Variants in PMFBP1 observed in about 807,000 individuals in gnomAD.
The protein encoded by PMFBP1 is polyamine-modulated factor 1-binding protein 1.
In PMFBP1, 131 loss-of-function variants were observed where a neutral mutation model predicts 137.8. The observed-to-expected ratio is 0.95, with a 90% CI of 0.82 to 1.10. The LOEUF (loss-of-function observed/expected upper bound fraction) is 1.10. Ranked by LOEUF, PMFBP1 falls within the 50% of genes least tolerant of loss-of-function variation. The pLI, the probability that PMFBP1 is intolerant of heterozygous loss-of-function variation, is 0.00. For missense variants in PMFBP1, 1,199 were observed against 1,175.4 expected (o/e 1.02, Z -0.29); for synonymous variants, 490 against 450.4 (o/e 1.09, Z -1.11).
the PMFBP1 span, among the ~76,000 whole-genome samples, chr16:72,213,842 G>T: frequency 6.6e-6 from 1 of 152,112 alleles, no homozygotes; most frequent in Non-Finnish European, 1.5e-5. Context: ...AACAGCAAAT[G>T]GAAACTTACA....
the PMFBP1 span, among the ~76,000 whole-genome samples, chr16:72,231,269 C>T: frequency 6.6e-6 from 1 of 152,104 alleles, no homozygotes; most frequent in Non-Finnish European, 1.5e-5. Context: ...AAAGTCACAA[C>T]CAACAGTAAC....
the PMFBP1 span, among the ~76,000 whole-genome samples, chr16:72,218,828 G>C: frequency 1.3e-5 from 2 of 152,100 alleles, no homozygotes; most frequent in African/African-American, 4.8e-5. Context: ...AAACCTTCAG[G>C]GAAAAGGTTG....
At chr16:72,205,250 C>A in the PMFBP1 span, among the ~76,000 whole-genome samples, 2 of 152,262 alleles carry the variant, frequency 1.3e-5, no homozygotes, top group African/African-American at 4.8e-5. Flanking sequence ...CTGCTTCTTG[C>A]ACTCCAAAGC....
intron 9 of PMFBP1, among the ~76,000 whole-genome samples, chr16:72,133,473 C>T (rs774641457): frequency 1.3e-4 from 20 of 152,060 alleles, no homozygotes; most frequent in Non-Finnish European, 1.9e-4. Context: ...GCCACCGTAC[C>T]CAGCCGTTTA....
chr16:72,187,497 A>G, the PMFBP1 span, among the ~76,000 whole-genome samples: 7 of 152,182 alleles, frequency 4.6e-5, no homozygotes, highest in Admixed American at 6.5e-5. Context: ...TAAAGAGCAA[A>G]GGTGAGATGA....
Position 72,124,870 on chromosome 16 carries a change from T to C in PMFBP1, c.2486A>G (p.His829Arg). Residue 829 changes from histidine to arginine, a missense_variant, in exon 17 of 21, where the codon CAC becomes CGC. Coordinates refer to ENST00000237353, the MANE Select transcript of PMFBP1 (RefSeq NM_031293.3). ...SCQVLQWQKQ[H>R]QNDLKMLAAK... The stretch of plus-strand genomic sequence containing the variant: ...TGCCAGCATCTTGAGGTCATTCTGG[T>C]GTTGCTTCTGCCACTGCAGCACCTG... 6.2e-7 allele frequency: 1 copy of C among 1,614,192 alleles called. No homozygotes were observed. Among genetic ancestry groups the C allele is most frequent in the East Asian group, 2.2e-5 (1 of 44,878 alleles).
At chr16:72,233,176 T>C in the PMFBP1 span, among the ~76,000 whole-genome samples, 1 of 152,092 alleles carries the variant, frequency 6.6e-6, no homozygotes, top group South Asian at 2.1e-4. Flanking sequence ...TTAAAAACTC[T>C]TCATTAGGAC....
At chr16:72,179,140 T>C (rs2043268178), upstream of PMFBP1, among the ~76,000 whole-genome samples, 1 of 152,174 alleles carries the variant, frequency 6.6e-6, no homozygotes, top group South Asian at 2.1e-4. Flanking sequence ...CAAGGACTTT[T>C]GAGGGCGATA....
At chr16:72,167,456 A>G (rs2043161831) in intron 2 of PMFBP1, among the ~76,000 whole-genome samples, 1 of 152,204 alleles carries the variant, frequency 6.6e-6, no homozygotes, top group Admixed American at 6.5e-5. Context: ...CAAGCATGTA[A>G]TTACCATTAA....
At chr16:72,244,249 A>G in the PMFBP1 span, among the ~76,000 whole-genome samples, 1 of 152,206 alleles carries the variant, frequency 6.6e-6, no homozygotes, top group African/African-American at 2.4e-5. Context: ...TATTTTAGCT[A>G]TTGAGGGTAA....
chr16:72,192,826 C>A, the PMFBP1 span, among the ~76,000 whole-genome samples: 1 of 149,918 alleles, frequency 6.7e-6, no homozygotes, highest in Non-Finnish European at 1.5e-5. Flanking sequence ...CGCTTGAACT[C>A]GGGAGGCGAA....
At chr16:72,243,844 C>T in the PMFBP1 span, among the ~76,000 whole-genome samples, 15 of 152,280 alleles carry the variant, frequency 9.9e-5, no homozygotes, top group East Asian at 1.9e-3. Context: ...GACTGATTTC[C>T]GCACACCAGC....
the PMFBP1 span, among the ~76,000 whole-genome samples, chr16:72,232,695 C>T: frequency 6.6e-6 from 1 of 152,004 alleles, no homozygotes; most frequent in South Asian, 2.1e-4. Context: ...TAAGTATTAA[C>T]TTATAGATCA....
chr16:72,204,902 A>G, the PMFBP1 span, among the ~76,000 whole-genome samples: 7 of 152,214 alleles, frequency 4.6e-5, no homozygotes, highest in Admixed American at 4.6e-4. Flanking sequence ...GAGGAATGGA[A>G]TTTTAAATTT....
chr16:72,125,077 C>A, intron 16 of PMFBP1, 143 bp from the exon 17 acceptor site: 1 of 1,372,138 alleles, frequency 7.3e-7, no homozygotes, highest in South Asian at 1.4e-5. Context: ...GGCACCCATG[C>A]TCCGATCTTT....
At chr16:72,232,907 T>C in the PMFBP1 span, among the ~76,000 whole-genome samples, 2 of 152,226 alleles carry the variant, frequency 1.3e-5, no homozygotes, top group South Asian at 2.1e-4. Flanking sequence ...GAGGCAGACA[T>C]GTATACAAAT....
At chr16:72,151,306 C>T (rs1020446351) in intron 4 of PMFBP1, among the ~76,000 whole-genome samples, 17 of 152,198 alleles carry the variant, frequency 1.1e-4, no homozygotes, top group Non-Finnish European at 2.2e-4. Flanking sequence ...GGGATTTGCA[C>T]AATCCTTGTT....
chr16:72,141,467 C>T (rs762445097), intron 5 of PMFBP1, among the ~76,000 whole-genome samples: 1 of 152,106 alleles, frequency 6.6e-6, no homozygotes, highest in Non-Finnish European at 1.5e-5. Context: ...CTCTACTTTC[C>T]AGAGATGACA....
chr16:72,194,116 G>A, the PMFBP1 span, among the ~76,000 whole-genome samples: 1 of 152,140 alleles, frequency 6.6e-6, no homozygotes, highest in Non-Finnish European at 1.5e-5. Flanking sequence ...TAAGGTTGGG[G>A]AATGTGCATT....
Sources: allele counts gnomAD v4.1 joint callset (sites outside exome capture counted in the v4.1 genomes callset), GRCh38; gene constraint gnomAD v4.1.1; transcripts MANE v1.5; gene names NCBI Gene and HGNC (gene_info 2026-07-23, HGNC 2026-07-21).